The following PALLD variants were observed in gnomAD, a reference collection of about 807,000 sequenced individuals.
PALLD encodes the protein palladin, cytoskeletal associated protein, also known as palladin.
Under a neutral mutation model 123.5 loss-of-function variants are expected in PALLD, and 61 were observed. That is an observed-to-expected ratio of 0.49 (90% CI 0.40 to 0.61). The LOEUF (loss-of-function observed/expected upper bound fraction) is 0.61. Ranked by LOEUF, PALLD falls within the 20% of genes least tolerant of loss-of-function variation. The pLI is 0.00. For missense variants in PALLD, 1,273 were observed against 1,377.0 expected (o/e 0.92, Z 1.20); for synonymous variants, 465 against 496.4 (o/e 0.94, Z 0.84).
rs1318662224 is a variant in PALLD, at chr4:168,926,645, A to G, written c.*465A>G. ...TGGAATTGCTGTGATTAAAGTGATC[A>G]AAATGCCAAAATACTAAAGGAAATC... On this transcript the variant is annotated 3_prime_UTR_variant, in exon 22 of 22. Transcript: ENST00000505667. 5.2e-6 allele frequency: 2 copies of G among 381,342 alleles called. No individual in the cohort carries two copies. The highest frequency in any genetic ancestry group is 8.5e-5 in the East Asian group (2 of 23,470). 23.6% of individuals were successfully genotyped at this position (381,342 alleles called of 1,614,324 possible).
At chr4:168,528,362 A>G (rs1423859836) in intron 2 of PALLD, among the ~76,000 whole-genome samples, 1 of 152,250 alleles carries the variant, frequency 6.6e-6, no homozygotes, top group Non-Finnish European at 1.5e-5. Context: ...CTCCAATTCT[A>G]TAACTTAGTA....
chr4:168,548,871 G>A lies in PALLD; in HGVS notation c.908+36459G>A, dbSNP rs149079843. Among the ~76,000 whole-genome samples the A allele has an allele frequency of 6.8e-4, 103 of 152,110 alleles. No homozygotes were observed. In the East Asian group the frequency reaches 0.016, roughly 24 times the overall value. On this transcript the variant is annotated intron_variant, in intron 2 of 21. Coordinates refer to ENST00000505667, the MANE Select transcript of PALLD (RefSeq NM_001166108.2). ...TAAATAATATGAAAGTTGCAGACTGGGTACAGTGGCTCATACTTGTAATCA... is the reference window on the plus strand; with the variant it reads ...TAAATAATATGAAAGTTGCAGACTGAGTACAGTGGCTCATACTTGTAATCA...
chr4:168,852,347 C>T (rs778437583), intron 10 of PALLD, among the ~76,000 whole-genome samples: 6 of 152,272 alleles, frequency 3.9e-5, no homozygotes, highest in Non-Finnish European at 7.4e-5. Flanking sequence ...TACTAGATTT[C>T]TGGCACCCAA....
chr4:168,655,366 G>A (rs1016446592), intron 2 of PALLD, among the ~76,000 whole-genome samples: 2 of 152,196 alleles, frequency 1.3e-5, no homozygotes, highest in Admixed American at 6.5e-5. Context: ...TTTTAAGTTC[G>A]TGTGCACTCA....
intron 2 of PALLD, among the ~76,000 whole-genome samples, chr4:168,541,284 A>C (rs1333093226): frequency 2.0e-5 from 3 of 152,106 alleles, no homozygotes; most frequent in East Asian, 3.9e-4. Context: ...CTTTTTTCTC[A>C]TATGAGAAGT....
At chr4:168,592,696 A>G (rs950848937) in intron 2 of PALLD, among the ~76,000 whole-genome samples, 3 of 151,834 alleles carry the variant, frequency 2.0e-5, no homozygotes, top group Non-Finnish European at 4.4e-5. Flanking sequence ...CTTACATATC[A>G]TATCTCTCCT....
At chr4:168,924,768 G>C (rs553514717) in intron 19 of PALLD, among the ~76,000 whole-genome samples, 177 bp from the exon 20 acceptor site, 2 of 152,182 alleles carry the variant, frequency 1.3e-5, no homozygotes, top group Non-Finnish European at 2.9e-5. Flanking sequence ...AACTCTTGAC[G>C]TCTGTTCTTT....
chr4:168,836,820 C>T (rs533888689), intron 10 of PALLD, among the ~76,000 whole-genome samples: 2 of 152,108 alleles, frequency 1.3e-5, no homozygotes, highest in Non-Finnish European at 2.9e-5. Flanking sequence ...CACACTTTTT[C>T]ACTGAAACTA....
At chr4:168,691,366 C>A (rs1033925925) in intron 8 of PALLD, 74 bp downstream of exon 8, 2 of 1,210,224 alleles carry the variant, frequency 1.7e-6, no homozygotes, top group African/African-American at 1.5e-5. Flanking sequence ...CTCAATAGTT[C>A]TTTCTTTCTA....
chr4:168,903,576 A>G (rs1757010826), intron 14 of PALLD, among the ~76,000 whole-genome samples, 181 bp from the exon 15 acceptor site: 1 of 152,196 alleles, frequency 6.6e-6, no homozygotes, highest in African/African-American at 2.4e-5. Context: ...CTCAAATAGA[A>G]TTTAAATTGT....
rs143284483 is a variant in PALLD, at chr4:168,672,753, C to T, written c.1087+4385C>T. On this transcript the variant is annotated intron_variant, in intron 3 of 21. Transcript: ENST00000505667. ...GATTACAGGCGTGAGCCACCTCGCC[C>T]GGCCAAGATGAACTTTTTTAACAGC... Among the ~76,000 whole-genome samples the T allele has an allele frequency of 4.3e-4, 66 of 152,300 alleles. 1 individual carries two copies. The East Asian group carries it at 0.012, about 28-fold the overall frequency.
rs780813206 is a variant in PALLD at position 168,691,337 on chromosome 4, G to C, written c.1501+45G>C. 9.9e-6 allele frequency: 15 copies of C among 1,518,566 alleles called. 1 individual carries two copies. The South Asian group carries it at 1.3e-4, about 13-fold the overall frequency. The allele number at this position is 1,518,566 out of a possible 1,614,324, so 94.1% of individuals were successfully genotyped here. Reference sequence around the variant, plus strand: ...TTTTTTTTTTGGTGGTGGGGGAGCAGATAATGTATCTTTTGGGTCTCAATA... The same window carrying C: ...TTTTTTTTTTGGTGGTGGGGGAGCACATAATGTATCTTTTGGGTCTCAATA... On this transcript the variant is annotated intron_variant, in intron 8 of 21. Coordinates refer to ENST00000505667, the MANE Select transcript of PALLD (RefSeq NM_001166108.2).
intron 2 of PALLD, among the ~76,000 whole-genome samples, chr4:168,611,105 G>T (rs1773684735): frequency 5.3e-5 from 8 of 152,192 alleles, no homozygotes; most frequent in Admixed American, 5.2e-4. Flanking sequence ...CTGGACCCTT[G>T]GTCACTGGGG....
chr4:168,534,158 AC>A lies in PALLD; in HGVS notation c.908+21750del, dbSNP rs34793826. 2.6e-5 allele frequency among the ~76,000 whole-genome samples: 4 copies of A among 152,156 alleles called. No individual in the cohort carries two copies. In the East Asian group the frequency reaches 7.7e-4, roughly 29 times the overall value. On this transcript the variant is annotated intron_variant, in intron 2 of 21. Transcript: ENST00000505667. ...GAGAAAACATGGAGTCAAGGAGTCC[AC>A]CCCTTAGGGATGAGTTTCCAGAATT...
intron 2 of PALLD, among the ~76,000 whole-genome samples, chr4:168,577,026 A>G (rs1289840939): frequency 2.6e-5 from 4 of 152,170 alleles, no homozygotes; most frequent in African/African-American, 9.6e-5. Context: ...CAACCGAATT[A>G]AATTTAAAAG....
At chr4:168,795,295 T>C (rs1443984628) in intron 10 of PALLD, among the ~76,000 whole-genome samples, 1 of 152,202 alleles carries the variant, frequency 6.6e-6, no homozygotes, top group African/African-American at 2.4e-5. Context: ...AACCCACTGT[T>C]GTGAAATCAA....
chr4:168,520,311 G>A (rs1192230370), intron 2 of PALLD, among the ~76,000 whole-genome samples: 1 of 130,500 alleles, frequency 7.7e-6, no homozygotes, highest in African/African-American at 3.0e-5. Flanking sequence ...GGGTGACAGA[G>A]CGAAGATTCC....
chr4:168,753,877 A>C (rs553084745), intron 10 of PALLD, among the ~76,000 whole-genome samples: 1 of 152,272 alleles, frequency 6.6e-6, no homozygotes, highest in Non-Finnish European at 1.5e-5. Context: ...CCCCAGCTAG[A>C]CCACTGCCAA....
intron 2 of PALLD, among the ~76,000 whole-genome samples, chr4:168,632,675 T>C (rs1057187032): frequency 6.6e-6 from 1 of 152,212 alleles, no homozygotes; most frequent in Non-Finnish European, 1.5e-5. Flanking sequence ...AATGCATTCC[T>C]GATGACTCCT....
Sources: gnomAD v4.1 joint callset for allele counts (sites outside exome capture counted in the v4.1 genomes callset) on GRCh38, gnomAD v4.1.1 for gene constraint, MANE v1.5 for transcripts, NCBI Gene and HGNC (gene_info 2026-07-23, HGNC 2026-07-21) for gene names.